Variants in SAMD7 observed in about 807,000 individuals in gnomAD.
The protein encoded by SAMD7 is sterile alpha motif domain containing 7.
In SAMD7, 34 loss-of-function variants were observed where a neutral mutation model predicts 36.7. The ratio of observed to expected loss-of-function variants is 0.93; its 90% CI spans 0.71 to 1.23. The LOEUF is 1.23. SAMD7 is among the 50% of genes most tolerant of loss of function. The pLI is 0.00. For synonymous variants in SAMD7, 188 were observed against 189.7 expected, an observed-to-expected ratio of 0.99 and a Z score of 0.07; for missense variants, 570 against 546.6, an observed-to-expected ratio of 1.04 and a Z score of -0.43.
Position 169,925,047 on chromosome 3 carries a change from T to G in SAMD7, c.212-11T>G. 6.3e-7 allele frequency: 1 copy of G among 1,585,294 alleles called. No individual in the cohort carries two copies. The highest frequency in any genetic ancestry group is 8.6e-7 in the Non-Finnish European group (1 of 1,161,102). ...TATTTGTGGGGTGGGATGGTGGTTT[T>G]CTTTTTTAAGGTTGGGGCATTTTAC... On this transcript the variant is annotated splice_polypyrimidine_tract_variant and intron_variant, in intron 4 of 8. Transcript: ENST00000335556.
chr3:169,918,488 G>C (rs987557083), intron 2 of SAMD7, among the ~76,000 whole-genome samples: 1 of 152,160 alleles, frequency 6.6e-6, no homozygotes, highest in Non-Finnish European at 1.5e-5. Flanking sequence ...TGTTCAACTA[G>C]TACTTGTTTT....
In SAMD7 at chr3:169,926,899, A is replaced by T; in HGVS notation, c.637A>T (p.Thr213Ser). The T allele has an allele frequency of 6.2e-7, 1 of 1,613,830 alleles. No individual in the cohort carries two copies. The highest frequency in any genetic ancestry group is 8.5e-7 in the Non-Finnish European group (1 of 1,179,948). ...SQAEEKILGQ[T>S]HAVPYEEDHY... ...AGCAGAAGAAAAAATCCTAGGTCAG[A>T]CTCATGCAGTTCCCTATGAAGAGGA... Residue 213 changes from threonine to serine, a missense_variant, in exon 6 of 9, where the codon ACT (threonine) becomes TCT (serine). Coordinates refer to ENST00000335556, the MANE Select transcript of SAMD7 (RefSeq NM_001304366.2).
intron 1 of SAMD7, among the ~76,000 whole-genome samples, chr3:169,913,942 A>G (rs1712700003): frequency 6.6e-6 from 1 of 152,192 alleles, no homozygotes; most frequent in Admixed American, 6.5e-5. Context: ...CGTTGCCTTA[A>G]AAGTATTCTG....
Position 169,927,066 on chromosome 3 carries a change from T to A in SAMD7, c.804T>A (p.Thr268=). 1.2e-6 allele frequency: 2 copies of A among 1,611,424 alleles called. No homozygotes were observed. Among genetic ancestry groups the A allele is most frequent in the Non-Finnish European group, 1.7e-6 (2 of 1,179,280 alleles). ...GGAAACCCTGGGGGTCTCACACCAC[T>A]ACCCTGAAAGCAAAGGCCTGGGACG... ...THRKPWGSHT[T]TLKAKAWDDG... Residue 268 remains threonine (T), a synonymous_variant, in exon 6 of 9, where the codon ACT becomes ACA. Transcript: ENST00000335556.
At chr3:169,936,496 T>G in intron 8 of SAMD7, 47 bp downstream of exon 8, 1 of 959,940 alleles carries the variant, frequency 1.0e-6, no homozygotes, top group Non-Finnish European at 1.7e-6. Context: ...GCACAAAGCT[T>G]AATACAAATA....
At position 169,934,993 on chromosome 3, in the gene SAMD7, G is replaced by T. The variant is rs182716032; in HGVS notation, c.1042-1346G>T. ...ATGTCAGATGCAGCCAGCAACTTCA[G>T]AAATAGAACAACTGCAAAATGTCTG... On this transcript the variant is annotated intron_variant, in intron 7 of 8. Coordinates refer to ENST00000335556, the MANE Select transcript of SAMD7 (RefSeq NM_001304366.2). Among the ~76,000 whole-genome samples, 6 of 152,292 alleles carry T rather than the reference G, an allele frequency of 3.9e-5. No homozygotes were observed. In the East Asian group the frequency reaches 1.2e-3, roughly 29 times the overall value.
chr3:169,923,422 C>G (rs6770626), intron 4 of SAMD7, among the ~76,000 whole-genome samples: 2 of 152,180 alleles, frequency 1.3e-5, no homozygotes, highest in African/African-American at 2.4e-5. Context: ...CCATGATTAC[C>G]GACAACAGGC....
rs541458140 is a variant in SAMD7, at chr3:169,938,588, G to A, written c.*82G>A. The A allele has an allele frequency of 8.2e-6, 7 of 853,270 alleles. No homozygotes were observed. In the African/African-American group the frequency reaches 1.2e-4, roughly 15 times the overall value. The allele number at this position is 853,270 out of a possible 1,614,324, so 52.9% of individuals were successfully genotyped here. On this transcript the variant is annotated 3_prime_UTR_variant, in exon 9 of 9. Coordinates refer to ENST00000335556, the MANE Select transcript of SAMD7 (RefSeq NM_001304366.2). Reference sequence around the variant, plus strand: ...ACAAAGGATGTGTGAGGATTTCCCAGTACTGGATGGAGAATGAGAAGAGAA... The same window carrying A: ...ACAAAGGATGTGTGAGGATTTCCCAATACTGGATGGAGAATGAGAAGAGAA...
At chr3:169,935,323 A>T (rs1378913816) in intron 7 of SAMD7, among the ~76,000 whole-genome samples, 1 of 152,142 alleles carries the variant, frequency 6.6e-6, no homozygotes, top group Non-Finnish European at 1.5e-5. Flanking sequence ...AGAGGGAATT[A>T]TCTATCCTCT....
chr3:169,925,570 C>CA (rs1026477423), intron 5 of SAMD7, among the ~76,000 whole-genome samples: 76 of 151,944 alleles, frequency 5.0e-4, no homozygotes, highest in African/African-American at 1.7e-3. Context: ...ACTAAAAATA[C>CA]AAAAAAACCA....
intron 7 of SAMD7, 147 bp from the exon 8 acceptor site, chr3:169,936,192 A>AGAGCAAATAAAAGG: frequency 1.7e-6 from 1 of 589,964 alleles, no homozygotes; most frequent in East Asian, 2.9e-5. Flanking sequence ...CACAGAAAAG[A>AGAGCAAATAAAAGG]GAGCAACTAA....
At chr3:169,917,790 C>T (rs1288564465) in intron 2 of SAMD7, among the ~76,000 whole-genome samples, 2 of 152,004 alleles carry the variant, frequency 1.3e-5, no homozygotes, top group African/African-American at 4.8e-5. Context: ...TACAGGCGCC[C>T]GCCACCATAC....
chr3:169,921,485 TCA>T, intron 4 of SAMD7, 147 bp downstream of exon 4: 1 of 731,958 alleles, frequency 1.4e-6, no homozygotes, highest in Non-Finnish European at 2.3e-6. Context: ...CCACCTAGGT[TCA>T]GATCATGGTG....
At chr3:169,922,582 C>T (rs569368235) in intron 4 of SAMD7, among the ~76,000 whole-genome samples, 3 of 152,342 alleles carry the variant, frequency 2.0e-5, no homozygotes, top group Admixed American at 1.3e-4. Flanking sequence ...TCACTGCAAC[C>T]TTTGCCTCCC....
intron 1 of SAMD7, among the ~76,000 whole-genome samples, chr3:169,914,698 T>G (rs1419196532): frequency 6.6e-6 from 1 of 152,300 alleles, no homozygotes; most frequent in African/African-American, 2.4e-5. Flanking sequence ...TAGATAAGAC[T>G]TATCCTTTCC....
intron 4 of SAMD7, among the ~76,000 whole-genome samples, chr3:169,924,020 G>A (rs576759833): frequency 5.2e-4 from 79 of 152,258 alleles, no homozygotes; most frequent in Non-Finnish European, 8.4e-4. Context: ...TGGACTTCTT[G>A]CACAGACTTT....
chr3:169,913,367 G>A (rs184929244), intron 1 of SAMD7, among the ~76,000 whole-genome samples: 4 of 152,212 alleles, frequency 2.6e-5, no homozygotes, highest in African/African-American at 7.2e-5. Flanking sequence ...ATTGGCACCC[G>A]GCTCCTGGGC....
intron 8 of SAMD7, among the ~76,000 whole-genome samples, chr3:169,937,833 A>C (rs555490671): frequency 1.3e-5 from 2 of 152,184 alleles, no homozygotes; most frequent in African/African-American, 2.4e-5. Flanking sequence ...GAAATCATGC[A>C]TTGGCCTTCT....
At position 169,919,573 on chromosome 3, in the gene SAMD7, A is replaced by G. The variant is rs1712954817; in HGVS notation, c.75A>G (p.Pro25=). The G allele has an allele frequency of 6.2e-7, 1 of 1,611,394 alleles. No homozygotes were observed. Residue 25 remains proline, a synonymous_variant, in exon 3 of 9, where the codon CCA becomes CCG. Transcript: ENST00000335556. ...TGATCCCCTCACCATTTGGGCCTCC[A>G]ACTGTGGACAGGTATTTCTCTTCAA... ...IPLIPSPFGP[P]TVDRDVLPST...
Sources: allele counts gnomAD v4.1 joint callset (sites outside exome capture counted in the v4.1 genomes callset), GRCh38; gene constraint gnomAD v4.1.1; transcripts MANE v1.5; gene names NCBI Gene and HGNC (gene_info 2026-07-23, HGNC 2026-07-21).